Variants in SMAP1 observed in about 807,000 individuals in gnomAD.
SMAP1 encodes small ArfGAP 1.
Under a neutral mutation model 58.5 loss-of-function variants are expected in SMAP1, and 24 were observed. The ratio of observed to expected loss-of-function variants is 0.41; its 90% confidence interval spans 0.30 to 0.58. The LOEUF (loss-of-function observed/expected upper bound fraction) is 0.58, where lower values mean the gene tolerates loss of function less well. SMAP1 is among the 20% of genes least tolerant of loss of function. The pLI is 0.29. For synonymous variants in SMAP1, 216 were observed against 196.6 expected (o/e 1.10, Z -0.82); for missense variants, 563 against 566.3 (o/e 0.99, Z 0.06).
chr6:70,683,041 A>T (rs1032953768), intron 1 of SMAP1, among the ~76,000 whole-genome samples: 1 of 152,092 alleles, frequency 6.6e-6, no homozygotes, highest in Non-Finnish European at 1.5e-5. Flanking sequence ...CATGTCAAAA[A>T]AAGAGTGGCT....
intron 1 of SMAP1, chr6:70,668,832 T>A (rs1380981539): frequency 2.5e-6 from 3 of 1,213,012 alleles, no homozygotes; most frequent in Admixed American, 5.0e-5. Context: ...CATGAGTCTC[T>A]TGGAGGACGG....
intron 6 of SMAP1, among the ~76,000 whole-genome samples, chr6:70,815,535 G>A (rs1185047051): frequency 6.6e-6 from 1 of 152,024 alleles, no homozygotes; most frequent in Non-Finnish European, 1.5e-5. Context: ...TTTGGCGGGG[G>A]GAGTGGGGCA....
intron 3 of SMAP1, among the ~76,000 whole-genome samples, chr6:70,755,783 C>G (rs923336167): frequency 6.6e-6 from 1 of 151,848 alleles, no homozygotes; most frequent in African/African-American, 2.4e-5. Flanking sequence ...TGTAAGCATC[C>G]TGAGTATGTT....
intron 1 of SMAP1, among the ~76,000 whole-genome samples, chr6:70,704,079 T>G (rs1767743610): frequency 6.6e-6 from 1 of 152,220 alleles, no homozygotes; most frequent in Admixed American, 6.5e-5. Context: ...CAATATGGTA[T>G]TTTAGTAGAA....
At chr6:70,853,052 A>G (rs1019248347) in intron 8 of SMAP1, among the ~76,000 whole-genome samples, 5 of 152,188 alleles carry the variant, frequency 3.3e-5, no homozygotes, top group Admixed American at 1.3e-4. Flanking sequence ...TCCTGAGATC[A>G]ACAAGGTCAC....
chr6:70,825,132 G>A (rs550745779), intron 6 of SMAP1, among the ~76,000 whole-genome samples: 2 of 152,146 alleles, frequency 1.3e-5, no homozygotes, highest in Non-Finnish European at 2.9e-5. Flanking sequence ...CACACATTGC[G>A]CATATATCCT....
intron 3 of SMAP1, 131 bp downstream of exon 3, chr6:70,755,196 CTT>C (rs1262398181): frequency 4.2e-6 from 3 of 719,836 alleles, no homozygotes; most frequent in African/African-American, 1.8e-5. Flanking sequence ...TAGAAATTGA[CTT>C]GCTGTGAGCT....
At chr6:70,734,039 A>G (rs980689107) in intron 2 of SMAP1, among the ~76,000 whole-genome samples, 3 of 152,068 alleles carry the variant, frequency 2.0e-5, no homozygotes, top group African/African-American at 7.2e-5. Context: ...TTTTAAAAAC[A>G]GTTATTAAAT....
chr6:70,757,930 A>G (rs1265018414), intron 3 of SMAP1, among the ~76,000 whole-genome samples: 8 of 152,110 alleles, frequency 5.3e-5, no homozygotes, highest in Middle Eastern at 3.4e-3. Context: ...TGGGAATGTA[A>G]ACTAGTTCAA....
At chr6:70,765,159 G>A (rs1428581238) in intron 3 of SMAP1, among the ~76,000 whole-genome samples, 1 of 152,166 alleles carries the variant, frequency 6.6e-6, no homozygotes, top group Non-Finnish European at 1.5e-5. Flanking sequence ...GGAATGTTTA[G>A]ATTTTATGTC....
chr6:70,844,842 G>A (rs1342233179), intron 7 of SMAP1, among the ~76,000 whole-genome samples: 1 of 152,074 alleles, frequency 6.6e-6, no homozygotes, highest in Non-Finnish European at 1.5e-5. Flanking sequence ...ACTTTAAATG[G>A]CTTATTGAGT....
chr6:70,692,704 C>T (rs1767224198), intron 1 of SMAP1, among the ~76,000 whole-genome samples: 1 of 152,146 alleles, frequency 6.6e-6, no homozygotes. Flanking sequence ...TTCTGGGCCC[C>T]TTTGTCAAAA....
chr6:70,725,091 G>GT (rs1562116511), intron 1 of SMAP1, among the ~76,000 whole-genome samples: 1 of 80,506 alleles, frequency 1.2e-5, no homozygotes, highest in Non-Finnish European at 2.5e-5. Flanking sequence ...AAATTAACCA[G>GT]TGTTTTTTTT....
chr6:70,709,514 A>T (rs769025655), intron 1 of SMAP1, among the ~76,000 whole-genome samples: 4 of 151,920 alleles, frequency 2.6e-5, no homozygotes, highest in Non-Finnish European at 5.9e-5. Flanking sequence ...TTTTGTAGAG[A>T]CAGGTCTGTG....
chr6:70,740,544 T>C (rs2149872365), intron 2 of SMAP1, among the ~76,000 whole-genome samples: 1 of 152,284 alleles, frequency 6.6e-6, no homozygotes. Flanking sequence ...CACTTTTATC[T>C]GGACCATCTC....
intron 3 of SMAP1, 27 bp from the exon 4 acceptor site, chr6:70,773,323 G>T (rs751555512): frequency 2.1e-6 from 3 of 1,422,962 alleles, no homozygotes; most frequent in Non-Finnish European, 2.0e-6. Flanking sequence ...CTGAATTCAT[G>T]CTTTTCCTTA....
At chr6:70,725,234 A>G (rs1768723444) in intron 1 of SMAP1, among the ~76,000 whole-genome samples, 1 of 149,220 alleles carries the variant, frequency 6.7e-6, no homozygotes, top group Non-Finnish European at 1.5e-5. Flanking sequence ...CTCCTGCCTC[A>G]GTCTCCCGAG....
chr6:70,700,177 C>T (rs1180780077), intron 1 of SMAP1, among the ~76,000 whole-genome samples: 4 of 152,194 alleles, frequency 2.6e-5, no homozygotes, highest in African/African-American at 9.7e-5. Context: ...TGCTCCTTCT[C>T]TCGCCATATG....
chr6:70,808,902 CTGTG>C (rs35577736), intron 6 of SMAP1, among the ~76,000 whole-genome samples: 41,802 of 144,570 alleles, frequency 0.29, 6,041 homozygotes, highest in Middle Eastern at 0.4. Context: ...GGCTGTTTCC[CTGTG>C]TGTGTGTGTG....
Sources: gnomAD v4.1 joint callset for allele counts (sites outside exome capture counted in the v4.1 genomes callset) on GRCh38, gnomAD v4.1.1 for gene constraint, MANE v1.5 for transcripts, NCBI Gene and HGNC (gene_info 2026-07-23, HGNC 2026-07-21) for gene names.